The following LGI1 variants were observed in gnomAD, a reference collection of about 807,000 sequenced individuals.
LGI1 encodes the protein leucine-rich glioma-inactivated protein 1.
Under a neutral mutation model 57.7 loss-of-function variants are expected in LGI1, and 11 were observed. That is an observed-to-expected ratio of 0.19 (90% CI 0.12 to 0.32). The LOEUF is 0.32. Among genes scored for constraint, LGI1 ranks in the 10% least tolerant of loss-of-function variants. LGI1 has a pLI of 1.00. For missense variants in LGI1, 422 were observed against 661.9 expected (o/e 0.64, Z 3.98); for synonymous variants, 222 against 241.9 (o/e 0.92, Z 0.76).
At chr10:93,768,439 G>A (rs2059701764) in intron 2 of LGI1, 1 of 152,180 alleles carries the variant, frequency 6.6e-6, no homozygotes, top group Non-Finnish European at 1.5e-5. Context: ...TTCATTTGAG[G>A]ATTAAAATCA....
At chr10:93,759,143 G>T (rs9420629) in intron 2 of LGI1, 4,609 of 384,398 alleles carry the variant, frequency 0.012, 201 homozygotes, top group African/African-American at 0.089. Context: ...TTGGGAACTT[G>T]GGTTCTTTTG....
At chr10:93,790,333 A>T in intron 5 of LGI1, 163 bp downstream of exon 5, 1 of 639,544 alleles carries the variant, frequency 1.6e-6, no homozygotes, top group East Asian at 2.8e-5. Flanking sequence ...ATGGACTAAC[A>T]TTTGAGTCTT....
chr10:93,790,580 G>T, intron 5 of LGI1: 2 of 177,826 alleles, frequency 1.1e-5, no homozygotes, highest in Non-Finnish European at 2.4e-5. Context: ...ACATCCTTGG[G>T]TTGGTCAATC....
At chr10:93,793,487 G>A in intron 7 of LGI1, 137 bp downstream of exon 7, 1 of 767,804 alleles carries the variant, frequency 1.3e-6, no homozygotes, top group Non-Finnish European at 2.2e-6. Context: ...ACCTGGGATT[G>A]TTCTCTAAGC....
intron 2 of LGI1, among the ~76,000 whole-genome samples, chr10:93,761,365 T>C (rs1198182900): frequency 6.6e-6 from 1 of 152,302 alleles, no homozygotes; most frequent in East Asian, 1.9e-4. Context: ...TCATACACTG[T>C]GAAGAGATAA....
chr10:93,763,006 C>T (rs1245467120), intron 2 of LGI1: 1 of 152,262 alleles, frequency 6.6e-6, no homozygotes, highest in Non-Finnish European at 1.5e-5. Context: ...GAATCTGCCT[C>T]CTCCTCTTCA....
chr10:93,759,281 G>T, intron 2 of LGI1: 2 of 171,594 alleles, frequency 1.2e-5, no homozygotes, highest in Non-Finnish European at 1.3e-5. Flanking sequence ...AAACACCTCA[G>T]CTCTTTCTAG....
chr10:93,796,756 A>G (rs1484876063), intron 7 of LGI1, among the ~76,000 whole-genome samples: 2 of 152,174 alleles, frequency 1.3e-5, no homozygotes, highest in Non-Finnish European at 1.5e-5. Context: ...TTAACAACTC[A>G]ATTGTTGGCA....
intron 4 of LGI1, chr10:93,788,344 C>T (rs2059907648): frequency 6.6e-6 from 1 of 152,208 alleles, no homozygotes; most frequent in Non-Finnish European, 1.5e-5. Flanking sequence ...TGTTTCTAAA[C>T]GTTGTTTCTT....
At chr10:93,787,683 G>T (rs1276431588) in intron 4 of LGI1, among the ~76,000 whole-genome samples, 1 of 152,078 alleles carries the variant, frequency 6.6e-6, no homozygotes, top group Non-Finnish European at 1.5e-5. Flanking sequence ...AGAGGCATGA[G>T]GATAGCTTGA....
intron 4 of LGI1, among the ~76,000 whole-genome samples, chr10:93,784,531 G>A (rs2059880150): frequency 6.6e-6 from 1 of 152,016 alleles, no homozygotes; most frequent in South Asian, 2.1e-4. Context: ...CTGAGTTCTG[G>A]GCCCTAAAGT....
intron 2 of LGI1, chr10:93,777,003 C>T: frequency 3.9e-6 from 1 of 259,216 alleles, no homozygotes; most frequent in Non-Finnish European, 7.4e-6. Flanking sequence ...TTGTTTTTGC[C>T]AGTTAGAACA....
At chr10:93,776,173 A>G (rs1185295309) in intron 2 of LGI1, 1 of 152,226 alleles carries the variant, frequency 6.6e-6, no homozygotes, top group Non-Finnish European at 1.5e-5. Context: ...GGATTAGAAG[A>G]CAATCCAACA....
chr10:93,784,780 G>A (rs1589767876), intron 4 of LGI1, among the ~76,000 whole-genome samples: 1 of 151,878 alleles, frequency 6.6e-6, no homozygotes, highest in East Asian at 1.9e-4. Flanking sequence ...AGGAAGGAGG[G>A]TCCCCTACTG....
At position 93,798,116 on chromosome 10, in the gene LGI1, T is replaced by C. The variant is rs2059996610; in HGVS notation, c.*313T>C. 1 of 331,194 alleles carries C rather than the reference T, an allele frequency of 3.0e-6. No individual in the cohort carries two copies. The highest frequency in any genetic ancestry group is 5.6e-6 in the Non-Finnish European group (1 of 178,790). 20.5% of individuals were successfully genotyped at this position (331,194 alleles called of 1,614,324 possible). On this transcript the variant is annotated 3_prime_UTR_variant, in exon 8 of 8. Coordinates refer to ENST00000371418, the MANE Select transcript of LGI1 (RefSeq NM_005097.4). ...ACTTTTCCATTTATTTATTCATGTG[T>C]ACAGAAACAACTGCCAAATAAAATG... is the stretch of plus-strand genomic sequence containing the variant.
At chr10:93,775,138 T>A (rs1223134215) in intron 2 of LGI1, among the ~76,000 whole-genome samples, 6 of 152,188 alleles carry the variant, frequency 3.9e-5, no homozygotes, top group Non-Finnish European at 7.3e-5. Context: ...TCTCAATGAC[T>A]TTTTACAAAG....
In LGI1 at chr10:93,790,079, C is replaced by CTTTT. The variant is rs61662431; in HGVS notation, c.432-8_432-5dup. ...AATTTATCACTACAGTTTACATCAC[C>CTTTT]TTTTTTTTTTTTTTTCCAGGAGCCT... On this transcript the variant is annotated intron_variant, in intron 4 of 7. Coordinates refer to ENST00000371418, the MANE Select transcript of LGI1 (RefSeq NM_005097.4). 1.6e-3 allele frequency: 2,175 copies of CTTTT among 1,400,734 alleles called. 4 individuals carry two copies. The highest frequency in any genetic ancestry group is 2.2e-3 in the Admixed American group (110 of 49,112). 86.8% of individuals were successfully genotyped at this position (1,400,734 alleles called of 1,614,324 possible).
Position 93,769,058 on chromosome 10 carries a change from G to A in LGI1, c.288-8321G>A, listed in dbSNP as rs538414049. 14 of 152,318 alleles carry A rather than the reference G, an allele frequency of 9.2e-5. No individual in the cohort carries two copies. The East Asian group carries it at 2.7e-3, about 29-fold the overall frequency. 9.4% of individuals were successfully genotyped at this position (152,318 alleles called of 1,614,324 possible). Reference sequence around the variant, plus strand: ...GGAGCATATTTTTAAATATTCAAATGTGAATTATTCACATGGCACATGCAC... The same window carrying A: ...GGAGCATATTTTTAAATATTCAAATATGAATTATTCACATGGCACATGCAC... On this transcript the variant is annotated intron_variant, in intron 2 of 7. Transcript: ENST00000371418.
intron 2 of LGI1, chr10:93,770,779 TG>T (rs2059728497): frequency 1.3e-5 from 2 of 152,178 alleles, no homozygotes; most frequent in African/African-American, 4.8e-5. Context: ...AATGAAATTA[TG>T]AAAGCTTTTT....
Sources: gnomAD v4.1 joint callset for allele counts (sites outside exome capture counted in the v4.1 genomes callset) on GRCh38, gnomAD v4.1.1 for gene constraint, MANE v1.5 for transcripts, NCBI Gene and HGNC (gene_info 2026-07-23, HGNC 2026-07-21) for gene names.